CSMD2: variants seen among roughly 807,000 people sequenced by gnomAD.
CSMD2 encodes the protein CUB and sushi domain-containing protein 2.
Under a neutral mutation model 398.5 loss-of-function variants are expected in CSMD2, and 130 were observed. The ratio of observed to expected loss-of-function variants is 0.33; its 90% CI spans 0.28 to 0.38. The LOEUF is 0.38. CSMD2 is among the 10% of genes least tolerant of loss of function. CSMD2 has a pLI of 1.00. For synonymous variants in CSMD2, 1,828 were observed against 1,908.5 expected (o/e 0.96, Z 1.10); for missense variants, 3,829 against 4,764.9 (o/e 0.80, Z 5.78).
chr1:34,034,510 T>C (rs899113576), intron 2 of CSMD2, among the ~76,000 whole-genome samples: 9 of 152,160 alleles, frequency 5.9e-5, no homozygotes, highest in Middle Eastern at 3.4e-3. Context: ...TTAGAGAAAA[T>C]GATATCGCCA....
At chr1:33,994,507 T>C (rs983031926) in intron 3 of CSMD2, among the ~76,000 whole-genome samples, 19 of 152,190 alleles carry the variant, frequency 1.2e-4, no homozygotes, top group African/African-American at 4.6e-4. Flanking sequence ...GTCTGTCTCC[T>C]ACTCTCTCCT....
rs372498421 is a variant in CSMD2 at position 33,841,555 on chromosome 1, C to T, written c.1033+5329G>A. Among the ~76,000 whole-genome samples the T allele has an allele frequency of 2.0e-5, 3 of 152,046 alleles. No individual in the cohort carries two copies. The South Asian group carries it at 6.2e-4, about 32-fold the overall frequency. ...ATTGAGTGCATTAAGAAAGGTTCTT[C>T]TCACCATCATTTCCATAGACTTGAA... On this transcript the variant is annotated intron_variant, in intron 6 of 70. Coordinates refer to ENST00000373381, the MANE Select transcript of CSMD2 (RefSeq NM_001281956.2).
chr1:33,910,234 G>A (rs775227485), intron 5 of CSMD2, among the ~76,000 whole-genome samples: 24 of 152,198 alleles, frequency 1.6e-4, no homozygotes, highest in South Asian at 4.2e-4. Flanking sequence ...ATGAACAAGG[G>A]GCAGGGTTCT....
At chr1:34,146,233 G>A (rs1301500809) in intron 1 of CSMD2, among the ~76,000 whole-genome samples, 6 of 152,132 alleles carry the variant, frequency 3.9e-5, no homozygotes, top group African/African-American at 1.4e-4. Flanking sequence ...TCAGGCACAC[G>A]CCTGGCTATT....
intron 2 of CSMD2, among the ~76,000 whole-genome samples, chr1:34,042,455 G>A (rs1481579387): frequency 6.6e-6 from 1 of 152,092 alleles, no homozygotes; most frequent in Non-Finnish European, 1.5e-5. Flanking sequence ...TTTATTCCTG[G>A]ATAATTCTAT....
At chr1:34,008,955 G>T (rs1042325852) in intron 3 of CSMD2, among the ~76,000 whole-genome samples, 1 of 152,006 alleles carries the variant, frequency 6.6e-6, no homozygotes, top group East Asian at 1.9e-4. Context: ...GGATATTTTG[G>T]TGTGAGCTCC....
chr1:33,771,920 A>G (rs901974828), intron 13 of CSMD2, among the ~76,000 whole-genome samples: 3 of 152,134 alleles, frequency 2.0e-5, no homozygotes, highest in South Asian at 2.1e-4. Flanking sequence ...GCCAATCCCA[A>G]CGCGACTGAA....
At chr1:34,023,791 G>C (rs1649257588) in intron 3 of CSMD2, among the ~76,000 whole-genome samples, 1 of 152,104 alleles carries the variant, frequency 6.6e-6, no homozygotes, top group African/African-American at 2.4e-5. Context: ...ATTTTTCATA[G>C]GAGGAGTCTG....
At chr1:33,616,697 A>G (rs1027478856) in intron 39 of CSMD2, among the ~76,000 whole-genome samples, 1 of 152,232 alleles carries the variant, frequency 6.6e-6, no homozygotes, top group Non-Finnish European at 1.5e-5. Flanking sequence ...GTAACTTTTC[A>G]TTTGGTGGGG....
At chr1:33,981,585 T>C (rs1646168023) in intron 3 of CSMD2, among the ~76,000 whole-genome samples, 1 of 152,258 alleles carries the variant, frequency 6.6e-6, no homozygotes, top group Non-Finnish European at 1.5e-5. Context: ...TCCTACTCTA[T>C]ATCTGGCCCT....
intron 37 of CSMD2, among the ~76,000 whole-genome samples, chr1:33,620,305 T>C (rs1354389732): frequency 1.3e-5 from 2 of 152,240 alleles, no homozygotes; most frequent in Non-Finnish European, 2.9e-5. Context: ...TAATTCTCTA[T>C]TGTCTGTGAG....
At position 33,616,966 on chromosome 1, in the gene CSMD2, G is replaced by C. The variant is rs1427321273; in HGVS notation, c.5956C>G (p.His1986Asp). 6.2e-7 allele frequency: 1 copy of C among 1,613,994 alleles called. No homozygotes were observed. Among genetic ancestry groups the C allele is most frequent in the Non-Finnish European group, 8.5e-7 (1 of 1,179,966 alleles). The change falls in exon 39 of 71, where the codon CAC becomes GAC. Residue 1986 changes from histidine (H) to aspartate (D), a missense_variant. His to Asp is a moderately conservative substitution (Grantham distance 81). Transcript: ENST00000373381. ...EPGYALQGHA[H>D]ISCMPGTVRR... The stretch of plus-strand genomic sequence containing the variant: ...ACTGTTCCGGGCATGCAGGAGATGT[G>C]GGCGTGGCCCTGGAGGAATCAGGAA...
At position 33,600,956 on chromosome 1, in the gene CSMD2, G is replaced by T. The variant is rs146842383; in HGVS notation, c.6765C>A (p.Ala2255=). 453 of 1,614,154 alleles carry T rather than the reference G, an allele frequency of 2.8e-4. 5 individuals carry two copies. In the African/African-American group the frequency reaches 5.3e-3, roughly 19 times the overall value. Residue 2255 remains alanine (A), a synonymous_variant, in exon 44 of 71, where the codon GCC becomes GCA. Transcript: ENST00000373381. ...PRLGVFTRSM[A]KKTVQSSSNQ... ...TGGATGAACTCTGCACTGTTTTCTT[G>T]GCCATGCTCCGGGTGAAGACGCCGA...
chr1:33,627,360 C>T lies in CSMD2; in HGVS notation c.5201-779G>A, dbSNP rs1442529551. On this transcript the variant is annotated intron_variant, in intron 32 of 70. Transcript: ENST00000373381. ...AGACAGCACCAACTGGACCTGCAGC[C>T]AATTAGTGTAGTTGCCATTCTGGGG... Among the ~76,000 whole-genome samples, 6 of 152,172 alleles carry T rather than the reference C, an allele frequency of 3.9e-5. No homozygotes were observed. In the East Asian group the frequency reaches 1.2e-3, roughly 29 times the overall value.
chr1:33,710,699 T>G (rs1249538126), intron 21 of CSMD2, among the ~76,000 whole-genome samples: 1 of 152,196 alleles, frequency 6.6e-6, no homozygotes, highest in Non-Finnish European at 1.5e-5. Context: ...TAGTTAACCC[T>G]AATTACCCTA....
In CSMD2 at chr1:33,743,545, C is replaced by T. The variant is rs767870000; in HGVS notation, c.1908G>A (p.Glu636=). The change falls in exon 14 of 71, where the codon GAG becomes GAA. Residue 636 remains glutamate, a synonymous_variant. Coordinates refer to ENST00000373381, the MANE Select transcript of CSMD2 (RefSeq NM_001281956.2). ...SGVVLSPNYP[E]DYGNHLHCVW... Reference sequence around the variant, plus strand: ...CACAGTGGAGGTGGTTGCCATAGTCCTCTGGGTAGTTGGGAGACAGGACAA... The same window carrying T: ...CACAGTGGAGGTGGTTGCCATAGTCTTCTGGGTAGTTGGGAGACAGGACAA... The T allele has an allele frequency of 1.9e-6, 3 of 1,613,740 alleles. No individual in the cohort carries two copies. Among genetic ancestry groups the T allele is most frequent in the Middle Eastern group, 1.7e-4 (1 of 6,060 alleles).
At chr1:33,604,657 G>T (rs1318724529) in intron 42 of CSMD2, among the ~76,000 whole-genome samples, 1 of 152,226 alleles carries the variant, frequency 6.6e-6, no homozygotes, top group Admixed American at 6.5e-5. Context: ...CCAGAATGAA[G>T]AGGGAAGGCA....
chr1:33,911,872 A>G (rs1022472763), intron 5 of CSMD2, among the ~76,000 whole-genome samples: 2 of 152,206 alleles, frequency 1.3e-5, no homozygotes, highest in Non-Finnish European at 2.9e-5. Flanking sequence ...TCTTCCTTAG[A>G]GAATTTCTGG....
At chr1:33,555,118 G>A (rs1261524327) in intron 55 of CSMD2, among the ~76,000 whole-genome samples, 1 of 152,176 alleles carries the variant, frequency 6.6e-6, no homozygotes, top group South Asian at 2.1e-4. Flanking sequence ...TGATTCATGG[G>A]AGGAGGTCCA....
Sources: gnomAD v4.1 joint callset for allele counts (sites outside exome capture counted in the v4.1 genomes callset) on GRCh38, gnomAD v4.1.1 for gene constraint, MANE v1.5 for transcripts, NCBI Gene and HGNC (gene_info 2026-07-23, HGNC 2026-07-21) for gene names.